The following MGAT3 variants were observed in gnomAD, a reference collection of about 807,000 sequenced individuals.
MGAT3 encodes GlcNAc-T III.
Under a neutral mutation model 29.8 loss-of-function variants are expected in MGAT3, and 9 were observed. The observed-to-expected ratio is 0.30, with a 90% confidence interval of 0.18 to 0.53. MGAT3 has a LOEUF of 0.53. Among genes scored for constraint, MGAT3 ranks in the 20% least tolerant of loss-of-function variants. The pLI is 0.96. For missense variants in MGAT3, 557 were observed against 769.5 expected, an observed-to-expected ratio of 0.72 and a Z score of 3.27; for synonymous variants, 397 against 348.9, an observed-to-expected ratio of 1.14 and a Z score of -1.54.
At chr22:39,480,843 C>G (rs1197271080) in intron 1 of MGAT3, among the ~76,000 whole-genome samples, 6 of 152,252 alleles carry the variant, frequency 3.9e-5, no homozygotes, top group Non-Finnish European at 8.8e-5. Flanking sequence ...ACCCAGTGTG[C>G]TGCCTTGCTC....
chr22:39,472,704 G>T (rs1174920252), intron 1 of MGAT3: 1 of 152,342 alleles, frequency 6.6e-6, no homozygotes, highest in Admixed American at 6.5e-5. Context: ...CTGGAAAGAG[G>T]TGGAGCCAGG....
rs1928356162 is a variant in MGAT3 at position 39,457,278 on chromosome 22, C to G, written c.-281C>G. The G allele has an allele frequency of 7.0e-6, 1 of 143,732 alleles. No homozygotes were observed. The highest frequency in any genetic ancestry group is 1.5e-5 in the Non-Finnish European group (1 of 64,842). The allele number at this position is 143,732 out of a possible 1,614,324, so 8.9% of individuals were successfully genotyped here. On this transcript the variant is annotated 5_prime_UTR_variant, in exon 1 of 2. Transcript: ENST00000341184. This position sits in a 1 kb window ranked among gnomAD's most constrained non-coding sequence, Gnocchi z 6.8. ...CCCGCCGCGGTCCCTCCCCCGCGCCCGTCCGCTCGCCGGGCCCCCGCCGCC... is the reference window on the plus strand; with the variant it reads ...CCCGCCGCGGTCCCTCCCCCGCGCCGGTCCGCTCGCCGGGCCCCCGCCGCC...
At chr22:39,476,956 A>T (rs1209220280) in intron 1 of MGAT3, 1 of 151,876 alleles carries the variant, frequency 6.6e-6, no homozygotes, top group Non-Finnish European at 1.5e-5. Flanking sequence ...TCTCGCCGGG[A>T]CTCCAGGATC....
chr22:39,484,664 C>T lies in MGAT3; in HGVS notation c.-1-2683C>T, dbSNP rs149069553. 1.6e-3 allele frequency among the ~76,000 whole-genome samples: 236 copies of T among 152,110 alleles called. 1 individual carries two copies. The highest frequency in any genetic ancestry group is 3.3e-3 in the Admixed American group (51 of 15,298). On this transcript the variant is annotated intron_variant, in intron 1 of 1. Coordinates refer to ENST00000341184, the MANE Select transcript of MGAT3 (RefSeq NM_002409.5). ...CTGGGATTACAGGCGTGAGCCACCA[C>T]GCCTAACCCAAATTCCTATCTTTCC... is the stretch of plus-strand genomic sequence containing the variant.
At chr22:39,464,036 G>A (rs891124710) in intron 1 of MGAT3, among the ~76,000 whole-genome samples, 6 of 151,094 alleles carry the variant, frequency 4.0e-5, no homozygotes, top group Non-Finnish European at 8.8e-5. Context: ...CCCAACCCTT[G>A]TAACCCAGAT....
intron 1 of MGAT3, among the ~76,000 whole-genome samples, chr22:39,467,160 T>G (rs1296510959): frequency 6.6e-6 from 1 of 152,240 alleles, no homozygotes; most frequent in Non-Finnish European, 1.5e-5. Context: ...AGGCACCTTG[T>G]GCATTCCTGG....
At chr22:39,481,025 C>T (rs1299432856) in intron 1 of MGAT3, among the ~76,000 whole-genome samples, 1 of 152,208 alleles carries the variant, frequency 6.6e-6, no homozygotes, top group Non-Finnish European at 1.5e-5. Context: ...GAGCCATTCA[C>T]ACCAAGGTCA....
chr22:39,463,538 G>A (rs60586791), intron 1 of MGAT3, among the ~76,000 whole-genome samples: 5,527 of 152,240 alleles, frequency 0.036, 311 homozygotes, highest in African/African-American at 0.12. Flanking sequence ...ATGTCACCTG[G>A]GCGGCCTGCG....
At chr22:39,459,261 A>G (rs1405969269) in intron 1 of MGAT3, among the ~76,000 whole-genome samples, 2 of 151,810 alleles carry the variant, frequency 1.3e-5, no homozygotes, top group Non-Finnish European at 2.9e-5. Context: ...TTTAGTAGAG[A>G]TGGGGTTTCA....
chr22:39,475,351 C>T (rs1439651227), intron 1 of MGAT3, among the ~76,000 whole-genome samples: 1 of 151,986 alleles, frequency 6.6e-6, no homozygotes. Flanking sequence ...AAGAGCTGTC[C>T]TCAGTGCCCA....
intron 1 of MGAT3, chr22:39,472,676 A>C (rs1928842983): frequency 6.6e-6 from 1 of 152,274 alleles, no homozygotes; most frequent in Non-Finnish European, 1.5e-5. Context: ...CTGAGGCTGG[A>C]GAGGTGAGGT....
At position 39,487,247 on chromosome 22, in the gene MGAT3, C is replaced by T. The variant is rs935336648; in HGVS notation, c.-1-100C>T. 4.0e-6 allele frequency: 5 copies of T among 1,265,204 alleles called. No homozygotes were observed. The East Asian group carries it at 9.3e-5, about 24-fold the overall frequency. 78.4% of individuals were successfully genotyped at this position (1,265,204 alleles called of 1,614,324 possible). On this transcript the variant is annotated intron_variant, in intron 1 of 1. Coordinates refer to ENST00000341184, the MANE Select transcript of MGAT3 (RefSeq NM_002409.5). This position sits in a 1 kb window ranked among gnomAD's most constrained non-coding sequence, Gnocchi z 5.7. ...CAGGGGCAGCAGGTGCTGGCCACCA[C>T]ATTGTCCAGCAAGGTGGCAGCAGAG...
chr22:39,481,358 C>T (rs1427167631), intron 1 of MGAT3, among the ~76,000 whole-genome samples: 1 of 152,222 alleles, frequency 6.6e-6, no homozygotes, highest in Non-Finnish European at 1.5e-5. Flanking sequence ...TGTCTTTCTC[C>T]AGAGCACAGC....
At chr22:39,468,811 C>G (rs1415139135) in intron 1 of MGAT3, among the ~76,000 whole-genome samples, 1 of 151,946 alleles carries the variant, frequency 6.6e-6, no homozygotes, top group Non-Finnish European at 1.5e-5. Context: ...ACAAGGGGTT[C>G]TGGGGAGTAG....
At chr22:39,471,942 G>C (rs1001589491) in intron 1 of MGAT3, among the ~76,000 whole-genome samples, 6 of 152,328 alleles carry the variant, frequency 3.9e-5, no homozygotes, top group African/African-American at 1.2e-4. Context: ...CCCCAGGGAA[G>C]GCAAGGGCTA....
chr22:39,458,306 C>G (rs1387137782), intron 1 of MGAT3, among the ~76,000 whole-genome samples: 2 of 146,774 alleles, frequency 1.4e-5, no homozygotes, highest in African/African-American at 2.4e-5. Context: ...TGCCGCGCGG[C>G]CAGACCTAGT....
At chr22:39,461,959 T>A (rs1928511665) in intron 1 of MGAT3, among the ~76,000 whole-genome samples, 1 of 151,482 alleles carries the variant, frequency 6.6e-6, no homozygotes, top group Non-Finnish European at 1.5e-5. Context: ...TGGAGTGCAG[T>A]GGCATGATCT....
chr22:39,464,056 G>A lies in MGAT3; in HGVS notation c.-2+6499G>A, dbSNP rs931698543. 1.4e-3 allele frequency among the ~76,000 whole-genome samples: 207 copies of A among 150,046 alleles called. 1 individual carries two copies. The highest frequency in any genetic ancestry group is 4.6e-3 in the African/African-American group (188 of 40,762). On this transcript the variant is annotated intron_variant, in intron 1 of 1. Transcript: ENST00000341184. The stretch of plus-strand genomic sequence containing the variant: ...CCCTTGTAACCCAGATCCTGTGACC[G>A]AGCCCCCGCCTGTGTTCGTAGCCTG...
At chr22:39,461,470 G>C (rs180679295) in intron 1 of MGAT3, among the ~76,000 whole-genome samples, 1 of 152,112 alleles carries the variant, frequency 6.6e-6, no homozygotes, top group Non-Finnish European at 1.5e-5. Flanking sequence ...CCCCTCCTTC[G>C]AGGGGCTCCT....
Sources: allele counts gnomAD v4.1 joint callset (sites outside exome capture counted in the v4.1 genomes callset), GRCh38; gene constraint gnomAD v4.1.1; non-coding constraint Gnocchi (gnomAD v3.1); transcripts MANE v1.5; gene names NCBI Gene and HGNC (gene_info 2026-07-23, HGNC 2026-07-21).